The following CAMK1D variants were observed in gnomAD, a reference collection of about 807,000 sequenced individuals.
CAMK1D encodes calcium/calmodulin dependent protein kinase ID, also known as calcium/calmodulin-dependent protein kinase type 1D.
Under a neutral mutation model 47.7 loss-of-function variants are expected in CAMK1D, and 9 were observed. That is an observed-to-expected ratio of 0.19 (90% confidence interval 0.11 to 0.33). CAMK1D has a LOEUF of 0.33. CAMK1D is among the 10% of genes least tolerant of loss of function. The pLI is 1.00. For synonymous variants in CAMK1D, 184 were observed against 184.9 expected (o/e 0.99, Z 0.04); for missense variants, 291 against 488.7 (o/e 0.60, Z 3.81).
At chr10:12,562,676 C>G (rs1202094649) in intron 2 of CAMK1D, among the ~76,000 whole-genome samples, 1 of 152,182 alleles carries the variant, frequency 6.6e-6, no homozygotes, top group Non-Finnish European at 1.5e-5. Context: ...ACACCTCCTT[C>G]AGGACACCTC....
chr10:12,408,848 C>CTTT (rs113921067), intron 1 of CAMK1D, among the ~76,000 whole-genome samples: 174 of 121,844 alleles, frequency 1.4e-3, no homozygotes, highest in Non-Finnish European at 1.8e-3. Context: ...TTCTTTCTTT[C>CTTT]TTTTTTTTTT....
At chr10:12,697,460 T>TGCAGTG (rs1833342031) in intron 3 of CAMK1D, among the ~76,000 whole-genome samples, 1 of 152,174 alleles carries the variant, frequency 6.6e-6, no homozygotes, top group Non-Finnish European at 1.5e-5. Context: ...GTGCAATGGC[T>TGCAGTG]CAATCTCAGC....
At chr10:12,393,282 C>T (rs906136675) in intron 1 of CAMK1D, among the ~76,000 whole-genome samples, 4 of 152,218 alleles carry the variant, frequency 2.6e-5, no homozygotes, top group African/African-American at 2.4e-5. Context: ...CCGCACGCCT[C>T]GGCCTCCCAA....
At chr10:12,818,039 A>G (rs1644419) in intron 8 of CAMK1D, among the ~76,000 whole-genome samples, 56,814 of 151,652 alleles carry the variant, frequency 0.37, 11,156 homozygotes, top group African/African-American at 0.47. Context: ...AACAAATGCC[A>G]AGAGTCGTAA....
intron 3 of CAMK1D, among the ~76,000 whole-genome samples, chr10:12,731,076 T>G (rs992608062): frequency 2.0e-5 from 3 of 152,192 alleles, no homozygotes; most frequent in African/African-American, 7.2e-5. Context: ...GTTTGGTTCG[T>G]TTTAATGAGA....
chr10:12,450,948 T>C (rs1397641181), intron 1 of CAMK1D, among the ~76,000 whole-genome samples: 1 of 152,164 alleles, frequency 6.6e-6, no homozygotes, highest in African/African-American at 2.4e-5. Flanking sequence ...CTGCGCCTCA[T>C]GCAGGCTCCC....
chr10:12,376,740 A>AT lies in CAMK1D; in HGVS notation c.92+26838dup, dbSNP rs918152549. On this transcript the variant is annotated intron_variant, in intron 1 of 10. Transcript: ENST00000619168. ...TGACAGAGGAATGGCCTTAGTAACC[A>AT]TTTTTTTTCTTTTCTTTTCTTTTTT... Among the ~76,000 whole-genome samples the AT allele has an allele frequency of 5.3e-4, 78 of 146,806 alleles. 1 individual carries two copies. Among genetic ancestry groups the AT allele is most frequent in the Middle Eastern group, 3.5e-3 (1 of 288 alleles).
intron 1 of CAMK1D, among the ~76,000 whole-genome samples, chr10:12,498,557 G>A (rs1236282781): frequency 1.3e-5 from 2 of 152,184 alleles, no homozygotes; most frequent in Non-Finnish European, 2.9e-5. Context: ...GGATTCTAAA[G>A]AAAAGGAGGA....
intron 6 of CAMK1D, among the ~76,000 whole-genome samples, chr10:12,801,395 C>CT (rs1564572319): frequency 4.2e-4 from 30 of 70,858 alleles, no homozygotes; most frequent in African/African-American, 1.4e-3. Flanking sequence ...TCTATCTATC[C>CT]ATCCATCTGT....
intron 2 of CAMK1D, among the ~76,000 whole-genome samples, chr10:12,652,259 C>G (rs1303749166): frequency 1.3e-5 from 2 of 151,966 alleles, no homozygotes; most frequent in Admixed American, 6.6e-5. Context: ...TTTTTCTTCA[C>G]TTTTTAGTAG....
intron 1 of CAMK1D, among the ~76,000 whole-genome samples, chr10:12,358,237 AAAG>A (rs1225913623): frequency 6.6e-6 from 1 of 152,172 alleles, no homozygotes; most frequent in African/African-American, 2.4e-5. Flanking sequence ...TAGAGAAAGA[AAAG>A]AAAAAAGAAA....
At chr10:12,699,512 C>T (rs1279623005) in intron 3 of CAMK1D, among the ~76,000 whole-genome samples, 4 of 152,168 alleles carry the variant, frequency 2.6e-5, no homozygotes, top group South Asian at 2.1e-4. Context: ...GTGGTTTTGG[C>T]GCCCATAGAG....
intron 6 of CAMK1D, among the ~76,000 whole-genome samples, chr10:12,806,034 G>A (rs17136885): frequency 0.073 from 11,061 of 152,268 alleles, 408 homozygotes; most frequent in Middle Eastern, 0.13. Context: ...AGACATCACT[G>A]AGCATAGACC....
rs35122778 is a variant in CAMK1D, at chr10:12,522,827, G to GC, written c.93-30392dup. On this transcript the variant is annotated intron_variant, in intron 1 of 10. Coordinates refer to ENST00000619168, the MANE Select transcript of CAMK1D (RefSeq NM_153498.4). ...ACGGGGCGGCTGGCCGGGCGGAGGC[G>GC]CCCCCCACCTCCCTCCCGGACAGGG... Among the ~76,000 whole-genome samples, 226 of 39,308 alleles carry GC rather than the reference G, an allele frequency of 5.7e-3. 34 individuals carry two copies. In the East Asian group the frequency reaches 0.11, roughly 19 times the overall value. The allele number at this position is 39,308 out of a possible 152,430, so 25.8% of individuals were successfully genotyped here.
At chr10:12,498,033 C>T (rs897484793) in intron 1 of CAMK1D, among the ~76,000 whole-genome samples, 1 of 152,156 alleles carries the variant, frequency 6.6e-6, no homozygotes, top group Non-Finnish European at 1.5e-5. Context: ...CATCAGATCT[C>T]ATGAAATTTA....
chr10:12,394,088 A>G (rs1838848802), intron 1 of CAMK1D, among the ~76,000 whole-genome samples: 1 of 152,230 alleles, frequency 6.6e-6, no homozygotes, highest in Non-Finnish European at 1.5e-5. Context: ...TTGAGGGTTC[A>G]CACCATCCCA....
intron 3 of CAMK1D, among the ~76,000 whole-genome samples, chr10:12,716,007 G>A (rs569320271): frequency 1.3e-4 from 20 of 152,124 alleles, no homozygotes; most frequent in South Asian, 1.0e-3. Flanking sequence ...CACTGCGCCC[G>A]GCCCATTTTG....
intron 2 of CAMK1D, among the ~76,000 whole-genome samples, chr10:12,655,938 G>T (rs1840104467): frequency 6.6e-6 from 1 of 152,204 alleles, no homozygotes; most frequent in African/African-American, 2.4e-5. Flanking sequence ...CTATTCCAGA[G>T]AACACTGAAT....
chr10:12,706,084 G>C (rs1333953245), intron 3 of CAMK1D, among the ~76,000 whole-genome samples: 28 of 152,164 alleles, frequency 1.8e-4, no homozygotes, highest in Non-Finnish European at 5.9e-5. Context: ...CAGATAGTAG[G>C]TGTACACTAA....
Sources: allele counts gnomAD v4.1 joint callset (sites outside exome capture counted in the v4.1 genomes callset), GRCh38; gene constraint gnomAD v4.1.1; transcripts MANE v1.5; gene names NCBI Gene and HGNC (gene_info 2026-07-23, HGNC 2026-07-21).